The following CREB3L2 variants were observed in gnomAD, a reference collection of about 807,000 sequenced individuals.
The protein encoded by CREB3L2 is cyclic AMP-responsive element-binding protein 3-like protein 2.
CREB3L2 carries 23 observed loss-of-function variants against 57.2 expected under a neutral mutation model. That is an observed-to-expected ratio of 0.40 (90% CI 0.29 to 0.57). CREB3L2 has a LOEUF of 0.57. Ranked by LOEUF, CREB3L2 falls within the 20% of genes least tolerant of loss-of-function variation. The pLI is 0.42. For synonymous variants in CREB3L2, 268 were observed against 265.1 expected (o/e 1.01, Z -0.11); for missense variants, 628 against 634.7 (o/e 0.99, Z 0.11).
At chr7:137,985,074 T>C (rs190240803) in intron 1 of CREB3L2, among the ~76,000 whole-genome samples, 2 of 152,344 alleles carry the variant, frequency 1.3e-5, no homozygotes, top group East Asian at 1.9e-4. Context: ...CCAAGAGACA[T>C]TGAGATTTGG....
At position 137,937,540 on chromosome 7, in the gene CREB3L2, C is replaced by G. The variant is rs78243880; in HGVS notation, c.103-9174G>C. On this transcript the variant is annotated intron_variant, in intron 1 of 11. Transcript: ENST00000330387. ...TGCCAACCATGAGGAAAAAGGTGAC[C>G]TTGTCAAAGTCCCAAGAAAAAAAAA... Among the ~76,000 whole-genome samples, 1,287 of 152,182 alleles carry G rather than the reference C, an allele frequency of 8.5e-3. 16 individuals are homozygous for G. Among genetic ancestry groups the G allele is most frequent in the African/African-American group, 0.03 (1,245 of 41,506 alleles).
rs1554506341 is a variant in CREB3L2 at position 138,001,082 on chromosome 7, A to AAAACAC, written c.102+521_102+522insGTGTTT. Among the ~76,000 whole-genome samples the AAAACAC allele has an allele frequency of 4.4e-5, 6 of 136,710 alleles. No homozygotes were observed. Among genetic ancestry groups the AAAACAC allele is most frequent in the African/African-American group, 1.6e-4 (6 of 37,296 alleles). 89.7% of individuals were successfully genotyped at this position (136,710 alleles called of 152,430 possible). On this transcript the variant is annotated intron_variant, in intron 1 of 11. Transcript: ENST00000330387. This position sits in a 1 kb window ranked among gnomAD's most constrained non-coding sequence, Gnocchi z 4.2. The stretch of plus-strand genomic sequence containing the variant: ...CTCCCTAACGTAGAGGAGCCCTTTC[A>AAAACAC]ACACACACACACACACACACACACA...
chr7:137,953,451 G>T (rs925143819), intron 1 of CREB3L2: 1 of 1,286,660 alleles, frequency 7.8e-7, no homozygotes, highest in Non-Finnish European at 1.0e-6. Context: ...TCTGAGACCT[G>T]CTGTTGGTGT....
At chr7:138,000,863 T>A (rs1802061707) in intron 1 of CREB3L2, among the ~76,000 whole-genome samples, 2 of 152,104 alleles carry the variant, frequency 1.3e-5, no homozygotes, top group African/African-American at 4.8e-5. Flanking sequence ...GACAGCTTAA[T>A]CCCCCAAGAG....
chr7:137,987,286 T>C (rs918513095), intron 1 of CREB3L2, among the ~76,000 whole-genome samples: 3 of 152,234 alleles, frequency 2.0e-5, no homozygotes, highest in Non-Finnish European at 4.4e-5. Flanking sequence ...CTAAGTCATC[T>C]GTAACTGGAA....
intron 10 of CREB3L2, among the ~76,000 whole-genome samples, chr7:137,884,075 G>A (rs1016275784): frequency 2.0e-5 from 3 of 152,092 alleles, no homozygotes; most frequent in Non-Finnish European, 2.9e-5. Flanking sequence ...GCACGATCTC[G>A]GCTCACTGCA....
chr7:137,993,593 C>T (rs1474854423), intron 1 of CREB3L2, among the ~76,000 whole-genome samples: 1 of 152,210 alleles, frequency 6.6e-6, no homozygotes, highest in African/African-American at 2.4e-5. Context: ...GATCACAGCT[C>T]ACTGTAAACT....
rs537820959 is a variant in CREB3L2, at chr7:137,895,978, A to G, written c.1043+5376T>C. On this transcript the variant is annotated intron_variant, in intron 8 of 11. Transcript: ENST00000330387. ...AACAGGAACACACACACAGGTGTGCATTCCCCAGCCCAGCCCTGCACACTG... is the reference window on the plus strand; with the variant it reads ...AACAGGAACACACACACAGGTGTGCGTTCCCCAGCCCAGCCCTGCACACTG... Among the ~76,000 whole-genome samples, 136 of 152,330 alleles carry G rather than the reference A, an allele frequency of 8.9e-4. 1 individual carries two copies. In the Middle Eastern group the frequency reaches 0.01, roughly 11 times the overall value.
chr7:137,930,368 G>A (rs951556501), intron 1 of CREB3L2, among the ~76,000 whole-genome samples: 2 of 152,204 alleles, frequency 1.3e-5, no homozygotes, highest in East Asian at 3.8e-4. Context: ...AGAGAACGAT[G>A]GCAAATAATG....
At position 137,878,598 on chromosome 7, in the gene CREB3L2, T is replaced by G. The variant is rs1799210472; in HGVS notation, c.*1878A>C. 4.3e-6 allele frequency: 1 copy of G among 233,666 alleles called. No homozygotes were observed. The highest frequency in any genetic ancestry group is 6.0e-5 in the East Asian group (1 of 16,568). The allele number at this position is 233,666 out of a possible 1,614,324, so 14.5% of individuals were successfully genotyped here. A position where few individuals can be genotyped will look rare whatever the true frequency, so the allele number is the denominator to read the frequency against. ...CTCAGACAGTCTCCGCCCTGGCTAA[T>G]GGGAGGGACAACAAGAACCCTCCAG... is the stretch of plus-strand genomic sequence containing the variant. On this transcript the variant is annotated 3_prime_UTR_variant, in exon 12 of 12. Coordinates refer to ENST00000330387, the MANE Select transcript of CREB3L2 (RefSeq NM_194071.4).
intron 2 of CREB3L2, among the ~76,000 whole-genome samples, chr7:137,918,116 C>A (rs923544050): frequency 2.0e-5 from 3 of 152,148 alleles, no homozygotes; most frequent in Non-Finnish European, 4.4e-5. Context: ...CCGCTTAGGA[C>A]AGTTAGGGAA....
At chr7:137,955,722 T>C (rs891115211) in intron 1 of CREB3L2, among the ~76,000 whole-genome samples, 4 of 152,184 alleles carry the variant, frequency 2.6e-5, no homozygotes, top group Non-Finnish European at 5.9e-5. Context: ...TCCTCTCCTT[T>C]TTATAAAGGC....
chr7:137,896,763 G>C (rs1426734904), intron 8 of CREB3L2, among the ~76,000 whole-genome samples: 1 of 152,176 alleles, frequency 6.6e-6, no homozygotes, highest in East Asian at 1.9e-4. Context: ...GAGCCACTGC[G>C]CTCCTGAGAC....
chr7:137,934,630 G>A (rs1291546009), intron 1 of CREB3L2, among the ~76,000 whole-genome samples: 2 of 152,224 alleles, frequency 1.3e-5, no homozygotes, highest in African/African-American at 2.4e-5. Context: ...TAGGCTCACA[G>A]ACGGTCATCC....
intron 1 of CREB3L2, among the ~76,000 whole-genome samples, chr7:137,982,351 T>C (rs1001137607): frequency 6.6e-6 from 1 of 152,144 alleles, no homozygotes; most frequent in East Asian, 1.9e-4. Flanking sequence ...CTTGGGAACC[T>C]TATGAAACTC....
chr7:137,907,386 T>A (rs1799914453), intron 5 of CREB3L2, among the ~76,000 whole-genome samples: 1 of 152,166 alleles, frequency 6.6e-6, no homozygotes, highest in Non-Finnish European at 1.5e-5. Context: ...ATTCTAGTAA[T>A]CCAAGGAGTG....
intron 1 of CREB3L2, among the ~76,000 whole-genome samples, chr7:137,969,640 C>T (rs113812372): frequency 3.8e-4 from 58 of 152,072 alleles, no homozygotes; most frequent in Non-Finnish European, 7.6e-4. Flanking sequence ...CGTGAGCCAC[C>T]GCGTCCGGCC....
chr7:137,885,237 C>A (rs745617554), intron 9 of CREB3L2, 116 bp from the exon 10 acceptor site: 3 of 1,268,306 alleles, frequency 2.4e-6, no homozygotes, highest in Non-Finnish European at 3.3e-6. Context: ...TGGACTGCAC[C>A]CACCAGTCAC....
At chr7:137,955,810 CCTA>C (rs1358822071) in intron 1 of CREB3L2, among the ~76,000 whole-genome samples, 1 of 152,096 alleles carries the variant, frequency 6.6e-6, no homozygotes, top group Non-Finnish European at 1.5e-5. Context: ...TTATTTATAT[CCTA>C]CTGCTCAAGG....
Sources: allele counts gnomAD v4.1 joint callset (sites outside exome capture counted in the v4.1 genomes callset), GRCh38; gene constraint gnomAD v4.1.1; non-coding constraint Gnocchi (gnomAD v3.1); transcripts MANE v1.5; gene names NCBI Gene and HGNC (gene_info 2026-07-23, HGNC 2026-07-21).